The following TBCK variants were observed in gnomAD, a reference collection of about 807,000 sequenced individuals.
TBCK encodes TBC1 domain containing kinase.
TBCK carries 99 observed loss-of-function variants against 113.4 expected under a neutral mutation model. The ratio of observed to expected loss-of-function variants is 0.87; its 90% CI spans 0.74 to 1.03. The LOEUF (loss-of-function observed/expected upper bound fraction) is 1.03. TBCK is among the 50% of genes least tolerant of loss of function. The pLI is 0.00. For synonymous variants in TBCK, 369 were observed against 370.8 expected (o/e 1.00, Z 0.05); for missense variants, 1,045 against 1,061.3 (o/e 0.98, Z 0.21).
At chr4:106,047,277 C>T (rs1188830590) in intron 25 of TBCK, among the ~76,000 whole-genome samples, 2 of 152,200 alleles carry the variant, frequency 1.3e-5, no homozygotes, top group Admixed American at 6.5e-5. Flanking sequence ...GTTATCAAGA[C>T]ATATACACAG....
At chr4:106,084,685 AG>A (rs1739295036) in intron 25 of TBCK, among the ~76,000 whole-genome samples, 1 of 152,224 alleles carries the variant, frequency 6.6e-6, no homozygotes, top group African/African-American at 2.4e-5. Context: ...AAGAGCAGCC[AG>A]GGAAAAAGGC....
intron 25 of TBCK, among the ~76,000 whole-genome samples, chr4:106,081,839 A>T (rs1198410236): frequency 6.6e-6 from 1 of 152,232 alleles, no homozygotes; most frequent in Non-Finnish European, 1.5e-5. Flanking sequence ...GCCACTAACA[A>T]ATATATGAAA....
intron 25 of TBCK, among the ~76,000 whole-genome samples, chr4:106,088,605 C>T (rs1739793251): frequency 6.6e-6 from 1 of 151,918 alleles, no homozygotes; most frequent in African/African-American, 2.4e-5. Context: ...GGGTATATAC[C>T]CAAGGAATAG....
intron 22 of TBCK, among the ~76,000 whole-genome samples, chr4:106,181,534 T>G (rs933728929): frequency 6.6e-6 from 1 of 152,122 alleles, no homozygotes; most frequent in Admixed American, 6.6e-5. Flanking sequence ...CCATCTTGAG[T>G]TGATTTTTGT....
chr4:106,107,701 A>T (rs1742332195), intron 24 of TBCK, among the ~76,000 whole-genome samples: 1 of 152,248 alleles, frequency 6.6e-6, no homozygotes, highest in Non-Finnish European at 1.5e-5. Context: ...TTAAATTAAC[A>T]ACCTAACTTC....
chr4:106,095,871 T>C, intron 24 of TBCK, among the ~76,000 whole-genome samples: 1 of 152,162 alleles, frequency 6.6e-6, no homozygotes, highest in East Asian at 1.9e-4. Context: ...AAAAGGATCT[T>C]ACATCAAAAG....
chr4:106,088,673 C>A (rs1347648042), intron 25 of TBCK, among the ~76,000 whole-genome samples: 2 of 151,544 alleles, frequency 1.3e-5, no homozygotes, highest in Non-Finnish European at 3.0e-5. Flanking sequence ...ACTATTTATG[C>A]CCATCAATGA....
At position 106,140,446 on chromosome 4, in the gene TBCK, T is replaced by C. The variant is rs908005018; in HGVS notation, c.2236-24068A>G. On this transcript the variant is annotated intron_variant, in intron 23 of 25. Transcript: ENST00000394708. ...ACACATGAGGCTACTTTAATTGAAATGGTAATAATGCTACAAATAAAAAAA... is the reference window on the plus strand; with the variant it reads ...ACACATGAGGCTACTTTAATTGAAACGGTAATAATGCTACAAATAAAAAAA... 2.1e-5 allele frequency among the ~76,000 whole-genome samples: 3 copies of C among 140,496 alleles called. 1 individual carries two copies. Among genetic ancestry groups the C allele is most frequent in the Admixed American group, 1.4e-4 (2 of 14,216 alleles). The allele number at this position is 140,496 out of a possible 152,430, so 92.2% of individuals were successfully genotyped here. A position where few individuals can be genotyped will look rare whatever the true frequency, so the allele number is the denominator to read the frequency against.
At chr4:106,071,980 C>A (rs1181864041) in intron 25 of TBCK, among the ~76,000 whole-genome samples, 8 of 152,114 alleles carry the variant, frequency 5.3e-5, no homozygotes, top group Non-Finnish European at 1.2e-4. Flanking sequence ...TTATTTTGAG[C>A]CTATGTGTGT....
Position 106,243,634 on chromosome 4 carries a change from A to G in TBCK, c.1070+992T>C, listed in dbSNP as rs554416880. On this transcript the variant is annotated intron_variant, in intron 11 of 25. Transcript: ENST00000394708. Reference sequence around the variant, plus strand: ...AAGTAAAGAAAAAAATGATGAGCAGATGACTTCTACAGTTGCCTACAATAA... The same window carrying G: ...AAGTAAAGAAAAAAATGATGAGCAGGTGACTTCTACAGTTGCCTACAATAA... Among the ~76,000 whole-genome samples, 5 of 152,180 alleles carry G rather than the reference A, an allele frequency of 3.3e-5. No individual in the cohort carries two copies. The East Asian group carries it at 9.6e-4, about 29-fold the overall frequency.
chr4:106,284,403 C>A (rs1392300675), intron 3 of TBCK, among the ~76,000 whole-genome samples: 1 of 152,042 alleles, frequency 6.6e-6, no homozygotes, highest in Non-Finnish European at 1.5e-5. Flanking sequence ...AAATAAAACT[C>A]ACTAATTTGA....
chr4:106,216,863 T>G (rs1160973077), intron 19 of TBCK, among the ~76,000 whole-genome samples: 12 of 151,406 alleles, frequency 7.9e-5, no homozygotes. Flanking sequence ...CCTAACTCAT[T>G]TTATGAGGCC....
At chr4:106,208,076 C>T (rs1755727201) in intron 20 of TBCK, among the ~76,000 whole-genome samples, 1 of 152,116 alleles carries the variant, frequency 6.6e-6, no homozygotes, top group Non-Finnish European at 1.5e-5. Flanking sequence ...TTGCCATGTG[C>T]TGGATATTCC....
At chr4:106,180,870 G>A (rs1752280230) in intron 22 of TBCK, among the ~76,000 whole-genome samples, 1 of 152,158 alleles carries the variant, frequency 6.6e-6, no homozygotes, top group Non-Finnish European at 1.5e-5. Flanking sequence ...TTTGTAGAAT[G>A]ATTTATAATT....
chr4:106,290,246 C>T (rs540468781), intron 3 of TBCK, among the ~76,000 whole-genome samples: 3 of 152,202 alleles, frequency 2.0e-5, no homozygotes, highest in Non-Finnish European at 2.9e-5. Flanking sequence ...GGCGTGATCT[C>T]GGCTCACTGC....
intron 20 of TBCK, among the ~76,000 whole-genome samples, chr4:106,203,396 C>T (rs1755098722): frequency 6.6e-6 from 1 of 151,014 alleles, no homozygotes; most frequent in Non-Finnish European, 1.5e-5. Context: ...ATGCTTTATT[C>T]TACTTCTGCA....
intron 3 of TBCK, among the ~76,000 whole-genome samples, chr4:106,265,787 C>T (rs976010165): frequency 1.3e-5 from 2 of 151,716 alleles, no homozygotes; most frequent in Admixed American, 6.6e-5. Flanking sequence ...CTCTGTTTTT[C>T]TCGAACTATT....
intron 25 of TBCK, among the ~76,000 whole-genome samples, chr4:106,074,282 A>T (rs995910125): frequency 6.6e-6 from 1 of 152,244 alleles, no homozygotes; most frequent in Admixed American, 6.5e-5. Flanking sequence ...ACTTTTTAAA[A>T]AAACTTTCTA....
intron 25 of TBCK, among the ~76,000 whole-genome samples, chr4:106,075,394 G>C (rs1353610704): frequency 6.6e-6 from 1 of 152,148 alleles, no homozygotes; most frequent in Admixed American, 6.5e-5. Context: ...GAAGAAGAAA[G>C]AATTATTTAT....
Sources: gnomAD v4.1 joint callset for allele counts (sites outside exome capture counted in the v4.1 genomes callset) on GRCh38, gnomAD v4.1.1 for gene constraint, MANE v1.5 for transcripts, NCBI Gene and HGNC (gene_info 2026-07-23, HGNC 2026-07-21) for gene names.